FXR1: variants seen among roughly 807,000 people sequenced by gnomAD.
The protein encoded by FXR1 is FMR1 autosomal homolog 1.
A neutral mutation model predicts 84.0 loss-of-function variants in FXR1; 15 were observed. That is an observed-to-expected ratio of 0.18 (90% CI 0.12 to 0.27). The LOEUF (loss-of-function observed/expected upper bound fraction) is 0.27. FXR1 is among the 10% of genes least tolerant of loss of function. The pLI is 1.00. For synonymous variants in FXR1, 245 were observed against 250.7 expected (o/e 0.98, Z 0.21); for missense variants, 480 against 774.4 (o/e 0.62, Z 4.51).
At chr3:180,913,980 C>T (rs1018015357) in intron 1 of FXR1, among the ~76,000 whole-genome samples, 4 of 152,118 alleles carry the variant, frequency 2.6e-5, no homozygotes, top group African/African-American at 9.7e-5. Flanking sequence ...TCTTAGTTTA[C>T]TGATTAGCTC....
At chr3:180,927,239 C>T (rs1433632101) in intron 1 of FXR1, among the ~76,000 whole-genome samples, 2 of 152,034 alleles carry the variant, frequency 1.3e-5, no homozygotes, top group Non-Finnish European at 2.9e-5. Flanking sequence ...GTGAAAAGAG[C>T]TCAAGACAGA....
chr3:180,936,497 A>T (rs1720544862), intron 3 of FXR1, among the ~76,000 whole-genome samples: 1 of 151,948 alleles, frequency 6.6e-6, no homozygotes, highest in Non-Finnish European at 1.5e-5. Context: ...TGAACTCCTG[A>T]CCTCAGGTGA....
At chr3:180,961,425 T>G in intron 10 of FXR1, 43 bp from the exon 11 acceptor site, 4 of 1,020,050 alleles carry the variant, frequency 3.9e-6, no homozygotes, top group Non-Finnish European at 6.1e-6. Flanking sequence ...TAGAACTTTG[T>G]TAAAATATTA....
chr3:180,918,966 A>G (rs1436216790), intron 1 of FXR1, among the ~76,000 whole-genome samples: 3 of 152,232 alleles, frequency 2.0e-5, no homozygotes, highest in African/African-American at 7.2e-5. Flanking sequence ...AAAGTTTGAC[A>G]CCACAGAACC....
In FXR1 at chr3:180,977,793, TTTTAA is replaced by T. The variant is rs1279395573; in HGVS notation, c.*1506_*1510del. The stretch of plus-strand genomic sequence containing the variant: ...ATTTTTTATGTGCATAAAAATGTGA[TTTTAA>T]TTTATATGCTCTGAAGGATAATTCA... On this transcript the variant is annotated 3_prime_UTR_variant, in exon 17 of 17. Transcript: ENST00000357559. 8 of 152,254 alleles carry T rather than the reference TTTTAA, an allele frequency of 5.3e-5. No homozygotes were observed. The highest frequency in any genetic ancestry group is 9.6e-5 in the African/African-American group (4 of 41,582). 9.4% of individuals were successfully genotyped at this position (152,254 alleles called of 1,614,324 possible). A position where few individuals can be genotyped will look rare whatever the true frequency, so the allele number is the denominator to read the frequency against.
chr3:180,926,506 A>ATATATATATTTTTTTTTTTTT (rs72192827), intron 1 of FXR1, among the ~76,000 whole-genome samples: 19 of 124,356 alleles, frequency 1.5e-4, no homozygotes, highest in African/African-American at 5.2e-4. Flanking sequence ...ATATATATAT[A>ATATATATATTTTTTTTTTTTT]TTTTTTTTTC....
At chr3:180,940,263 A>T (rs768882952) in intron 3 of FXR1, among the ~76,000 whole-genome samples, 48 of 152,240 alleles carry the variant, frequency 3.2e-4, no homozygotes, top group Non-Finnish European at 5.7e-4. Context: ...TAAATATTTC[A>T]TAAGTATTTG....
intron 1 of FXR1, among the ~76,000 whole-genome samples, chr3:180,922,206 T>C (rs1350625629): frequency 2.0e-5 from 3 of 152,114 alleles, no homozygotes; most frequent in Non-Finnish European, 4.4e-5. Context: ...AGGGAACCTT[T>C]AAAAAAACAA....
chr3:180,970,164 A>T lies in FXR1; in HGVS notation c.1409A>T (p.Lys470Ile). ...GCCTCTGACATGAATATAGTGCTCAAAGATCCAGACAGCAATCCATACAGC... is the reference window on the plus strand; with the variant it reads ...GCCTCTGACATGAATATAGTGCTCATAGATCCAGACAGCAATCCATACAGC... ...GGKSSISSVLKDPDSNPYSLL... is the reference protein window; with the variant it reads ...GGKSSISSVLIDPDSNPYSLL... The change falls in exon 15 of 17, where the codon AAA (lysine) becomes ATA (isoleucine). Residue 470 changes from lysine to isoleucine, a missense_variant. Lys to Ile is a moderately radical substitution (Grantham distance 102, BLOSUM62 -3). Coordinates refer to ENST00000357559, the MANE Select transcript of FXR1 (RefSeq NM_005087.4). The T allele has an allele frequency of 6.3e-7, 1 of 1,584,034 alleles. No individual in the cohort carries two copies. The highest frequency in any genetic ancestry group is 8.7e-7 in the Non-Finnish European group (1 of 1,153,052).
chr3:180,938,694 A>T (rs1344537510), intron 3 of FXR1, among the ~76,000 whole-genome samples: 1 of 151,732 alleles, frequency 6.6e-6, no homozygotes, highest in African/African-American at 2.4e-5. Context: ...GATTACAGGC[A>T]TGCGCCATCA....
rs1430685731 is a variant in FXR1, at chr3:180,978,475, G to A, written c.*2183G>A. 5 of 152,020 alleles carry A rather than the reference G, an allele frequency of 3.3e-5. No homozygotes were observed. Among genetic ancestry groups the A allele is most frequent in the African/African-American group, 1.2e-4 (5 of 41,396 alleles). 9.4% of individuals were successfully genotyped at this position (152,020 alleles called of 1,614,324 possible). On this transcript the variant is annotated 3_prime_UTR_variant, in exon 17 of 17. Transcript: ENST00000357559. ...CCCCAAAGGGTAGCCATTAATTCAGGTAGCCTTTTAAATGTATTTGAGAGG... is the reference window on the plus strand; with the variant it reads ...CCCCAAAGGGTAGCCATTAATTCAGATAGCCTTTTAAATGTATTTGAGAGG...
chr3:180,950,737 C>CT (rs1560003075), intron 7 of FXR1, among the ~76,000 whole-genome samples: 3 of 152,106 alleles, frequency 2.0e-5, no homozygotes, highest in Admixed American at 1.3e-4. Flanking sequence ...TCATTTTAGT[C>CT]TTTTTTGTGA....
intron 1 of FXR1, among the ~76,000 whole-genome samples, chr3:180,919,437 TCCACGC>T (rs1305626936): frequency 1.5e-4 from 22 of 151,256 alleles, no homozygotes; most frequent in Non-Finnish European, 2.9e-4. Flanking sequence ...GCTGTGTGCC[TCCACGC>T]CCAGGCAATT....
intron 1 of FXR1, among the ~76,000 whole-genome samples, chr3:180,916,729 G>C (rs1274953493): frequency 6.6e-6 from 1 of 152,066 alleles, no homozygotes; most frequent in Non-Finnish European, 1.5e-5. Flanking sequence ...TTAAATAGAA[G>C]TTGGAAGTAA....
intron 1 of FXR1, among the ~76,000 whole-genome samples, chr3:180,922,192 T>G (rs1461691185): frequency 6.6e-6 from 1 of 152,168 alleles, no homozygotes; most frequent in Admixed American, 6.6e-5. Flanking sequence ...GATAGCTTGG[T>G]GAAAGGGAAC....
chr3:180,947,772 T>G (rs1576954538), intron 3 of FXR1, 93 bp from the exon 4 acceptor site: 2 of 549,396 alleles, frequency 3.6e-6, no homozygotes, highest in African/African-American at 3.9e-5. Flanking sequence ...TTTTCATTCT[T>G]AAGTTTATTG....
chr3:180,974,160 C>T (rs368325014), intron 15 of FXR1, among the ~76,000 whole-genome samples: 3 of 143,310 alleles, frequency 2.1e-5, no homozygotes, highest in Non-Finnish European at 3.0e-5. Flanking sequence ...AGTTTCAATT[C>T]TTTTTTTTTT....
chr3:180,965,451 T>C (rs1253167883), intron 13 of FXR1, among the ~76,000 whole-genome samples: 5 of 152,026 alleles, frequency 3.3e-5, no homozygotes, highest in Admixed American at 2.0e-4. Flanking sequence ...TAATAAATTA[T>C]CACAAACTTA....
chr3:180,968,635 T>C (rs751065111), intron 14 of FXR1, among the ~76,000 whole-genome samples: 2 of 152,188 alleles, frequency 1.3e-5, no homozygotes, highest in Admixed American at 6.5e-5. Context: ...GTCAGTACTT[T>C]TCTATACTTA....
Sources: allele counts gnomAD v4.1 joint callset (sites outside exome capture counted in the v4.1 genomes callset), GRCh38; gene constraint gnomAD v4.1.1; transcripts MANE v1.5; gene names NCBI Gene and HGNC (gene_info 2026-07-23, HGNC 2026-07-21).